FLG2: variants seen among roughly 807,000 people sequenced by gnomAD.
The protein encoded by FLG2 is filaggrin 2, also known as filaggrin-2.
A neutral mutation model predicts 3.9 loss-of-function variants in FLG2; 7 were observed. That is an observed-to-expected ratio of 1.79 (90% confidence interval 1.02 to 3.36). The LOEUF (loss-of-function observed/expected upper bound fraction) is 3.36, where lower values mean the gene tolerates loss of function less well. Ranked by LOEUF, FLG2 falls within the 30% of genes most tolerant of loss-of-function variation. The probability of loss-of-function intolerance (pLI) is 0.00; values close to 1 mark genes in which losing one functional copy is unlikely to be tolerated. For missense variants in FLG2, 2,700 were observed against 2,809.4 expected (o/e 0.96, Z 0.88); for synonymous variants, 1,031 against 1,056.1 (o/e 0.98, Z 0.46).
rs143786396 is a variant in FLG2, at chr1:152,356,228, G to C, written c.1558C>G (p.Gln520Glu). 1 of 1,613,958 alleles carries C rather than the reference G, an allele frequency of 6.2e-7. No homozygotes were observed. Among genetic ancestry groups the C allele is most frequent in the Non-Finnish European group, 8.5e-7 (1 of 1,180,010 alleles). ...GATTGTCCTGAGACAGACCCATGCT[G>C]TCCAAAACCAGAGGATTGTCCTGAG... is the stretch of plus-strand genomic sequence containing the variant. ...SVSGQSSGFG[Q>E]HGSVSGQSSG... The change falls in exon 3 of 3, where the codon CAG (glutamine) becomes GAG (glutamate). Residue 520 changes from glutamine (Q) to glutamate (E), a missense_variant. Coordinates refer to ENST00000388718, the MANE Select transcript of FLG2 (RefSeq NM_001014342.3).
At position 152,354,850 on chromosome 1, in the gene FLG2, G is replaced by A; in HGVS notation, c.2936C>T (p.Ser979Leu). 2 of 1,613,628 alleles carry A rather than the reference G, an allele frequency of 1.2e-6. No individual in the cohort carries two copies. Among genetic ancestry groups the A allele is most frequent in the Non-Finnish European group, 1.7e-6 (2 of 1,179,960 alleles). The stretch of plus-strand genomic sequence containing the variant: ...AAAGCCAGAGGATTTTCCTGAGCCT[G>A]ACTCATGTTGTCCAAAGCCAGAGGA... The part of the protein sequence containing the change: ...GQSSGFGQHE[S>L]GSGKSSGFGQ... The change falls in exon 3 of 3, where the codon TCA becomes TTA. Residue 979 changes from serine to leucine, a missense_variant. Coordinates refer to ENST00000388718, the MANE Select transcript of FLG2 (RefSeq NM_001014342.3).
At position 152,354,068 on chromosome 1, in the gene FLG2, G is replaced by T. The variant is rs1459797201; in HGVS notation, c.3718C>A (p.His1240Asn). 6.2e-7 allele frequency: 1 copy of T among 1,614,194 alleles called. No individual in the cohort carries two copies. The highest frequency in any genetic ancestry group is 8.5e-7 in the Non-Finnish European group (1 of 1,180,022). ...CTAGTGGTATTTATTGTCTGACCAT[G>T]AGTAGTTTCCTGTCTCCCATGAACT... Reference protein sequence around the residue: ...STVHGRQETTHGQTINTTRHS... With the variant: ...STVHGRQETTNGQTINTTRHS... The change falls in exon 3 of 3, where the codon CAT (histidine) becomes AAT (asparagine). Residue 1240 changes from histidine to asparagine, a missense_variant. Coordinates refer to ENST00000388718, the MANE Select transcript of FLG2 (RefSeq NM_001014342.3).
chr1:152,351,043 G>T lies in FLG2; in HGVS notation c.6743C>A (p.Thr2248Asn), dbSNP rs758344079. ...GQSTQRGSRT[T>N]GRRGSGHSES... is the part of the protein sequence containing the mutation. ...ACTGTGGCCAGATCCCCTTCTTCCAGTTGTCCTGGACCCTCTCTGTGTGGA... is the reference window on the plus strand; with the variant it reads ...ACTGTGGCCAGATCCCCTTCTTCCATTTGTCCTGGACCCTCTCTGTGTGGA... Residue 2248 changes from threonine to asparagine, a missense_variant, in exon 3 of 3, where the codon ACT becomes AAT. Thr to Asn is a moderately conservative substitution (Grantham distance 65, BLOSUM62 0). Coordinates refer to ENST00000388718, the MANE Select transcript of FLG2 (RefSeq NM_001014342.3). 1.2e-6 allele frequency: 2 copies of T among 1,607,998 alleles called. No individual in the cohort carries two copies. The highest frequency in any genetic ancestry group is 1.7e-6 in the Non-Finnish European group (2 of 1,178,288).
Position 152,351,992 on chromosome 1 carries a change from G to T in FLG2, c.5794C>A (p.His1932Asn). Residue 1932 changes from histidine to asparagine, a missense_variant, in exon 3 of 3, where the codon CAT becomes AAT. Physicochemically the swap from His to Asn is moderately conservative, Grantham distance 68. Transcript: ENST00000388718. ...THGQTGDTTE[H>N]GHPSHGQTIQ... is the part of the protein sequence containing the mutation. ...GTTTGTCCATGACTAGGGTGGCCAT[G>T]TTCAGTGGTATCTCCTGTCTGTCCA... 1 of 1,613,788 alleles carries T rather than the reference G, an allele frequency of 6.2e-7. No individual in the cohort carries two copies. Among genetic ancestry groups the T allele is most frequent in the Admixed American group, 1.7e-5 (1 of 59,990 alleles).
In FLG2 at chr1:152,353,983, C is replaced by T. The variant is rs755946938; in HGVS notation, c.3803G>A (p.Arg1268Gln). ...TQTGSRVTRR[R>Q]RSSQSENSDS... ...ACTGTTCTCACTTTGGCTAGATCTT[C>T]GTCTTCTAGTTACCCTGGACCCTGT... is the stretch of plus-strand genomic sequence containing the variant. Residue 1268 changes from arginine (R) to glutamine (Q), a missense_variant, in exon 3 of 3, where the codon CGA becomes CAA. By Grantham distance (43) the Arg-to-Gln change is conservative (BLOSUM62 1). Transcript: ENST00000388718. The T allele has an allele frequency of 2.6e-5, 42 of 1,614,036 alleles. No individual in the cohort carries two copies. In the East Asian group the frequency reaches 4.7e-4, roughly 18 times the overall value.
At position 152,355,808 on chromosome 1, in the gene FLG2, A is replaced by G. The variant is rs776612074; in HGVS notation, c.1978T>C (p.Ser660Pro). The change falls in exon 3 of 3, where the codon TCA (serine) becomes CCA (proline). Residue 660 changes from serine (S) to proline (P), a missense_variant. Transcript: ENST00000388718. ...SQSTGFGQYG[S>P]GSGQSSGFGQ... is the part of the protein sequence containing the mutation. ...AAGCCAGAGGACTGACCTGAGCCTG[A>G]TCCATATTGGCCAAAGCCAGTGGAT... 2.5e-6 allele frequency: 4 copies of G among 1,613,014 alleles called. No individual in the cohort carries two copies. In the East Asian group the frequency reaches 6.7e-5, roughly 27 times the overall value.
At position 152,351,718 on chromosome 1, in the gene FLG2, G is replaced by A. The variant is rs1653933208; in HGVS notation, c.6068C>T (p.Thr2023Ile). Residue 2023 changes from threonine to isoleucine, a missense_variant, in exon 3 of 3, where the codon ACT becomes ATT. Coordinates refer to ENST00000388718, the MANE Select transcript of FLG2 (RefSeq NM_001014342.3). ...GQSTQRGSRT[T>I]GRRASGHSEY... The stretch of plus-strand genomic sequence containing the variant: ...ACTGTGGCCAGATGCCCTTCTTCCA[G>A]TTGTCCTGGACCCTCTCTGTGTGGA... 6.2e-7 allele frequency: 1 copy of A among 1,610,502 alleles called. No individual in the cohort carries two copies. Among genetic ancestry groups the A allele is most frequent in the Non-Finnish European group, 8.5e-7 (1 of 1,179,330 alleles).
chr1:152,351,873 A>ATG lies in FLG2; in HGVS notation c.5911_5912dup (p.Ser1972IlefsTer431). 3 of 1,611,558 alleles carry ATG rather than the reference A, an allele frequency of 1.9e-6. No homozygotes were observed. The highest frequency in any genetic ancestry group is 2.5e-6 in the Non-Finnish European group (3 of 1,179,372). ...CAGCTTGACCGTGAGTGTGTCCTGA[A>ATG]TGTGTGTGTGAGACCCCTGAGGGCC... On this transcript the variant is annotated frameshift_variant, in exon 3 of 3. Coordinates refer to ENST00000388718, the MANE Select transcript of FLG2 (RefSeq NM_001014342.3). LOFTEE classifies it low-confidence loss of function (END_TRUNC).
Position 152,351,908 on chromosome 1 carries a change from C to T in FLG2, c.5878G>A (p.Asp1960Asn), listed in dbSNP as rs774306057. 2 of 1,613,906 alleles carry T rather than the reference C, an allele frequency of 1.2e-6. No individual in the cohort carries two copies. The highest frequency in any genetic ancestry group is 1.1e-5 in the South Asian group (1 of 91,064). ...RRGSGHSEYSDSEGPSGVSHT... is the reference protein window; with the variant it reads ...RRGSGHSEYSNSEGPSGVSHT... ...GAGACCCCTGAGGGCCCTTCACTGT[C>T]ACTGTACTCACTGTGGCCAGATCCC... is the stretch of plus-strand genomic sequence containing the variant. Residue 1960 changes from aspartate (D) to asparagine (N), a missense_variant, in exon 3 of 3, where the codon GAC (aspartate) becomes AAC (asparagine). Transcript: ENST00000388718.
chr1:152,359,459 T>G (rs1654370347), intron 1 of FLG2, among the ~76,000 whole-genome samples: 1 of 152,188 alleles, frequency 6.6e-6, no homozygotes, highest in Non-Finnish European at 1.5e-5. Flanking sequence ...ACAGTAGAAC[T>G]CAGTAGAGCT....
rs1243103905 is a variant in FLG2 at position 152,355,782 on chromosome 1, A to T, written c.2004T>A (p.Phe668Leu). The T allele has an allele frequency of 1.2e-6, 2 of 1,613,376 alleles. No homozygotes were observed. The highest frequency in any genetic ancestry group is 3.3e-5 in the Admixed American group (2 of 59,940). The change falls in exon 3 of 3, where the codon TTT (phenylalanine) becomes TTA (leucine). Residue 668 changes from phenylalanine to leucine, a missense_variant. Transcript: ENST00000388718. ...YGSGSGQSSG[F>L]GQHVSGSGQS... ...GTCCTGAGCCAGAAACATGTTGTCC[A>T]AAGCCAGAGGACTGACCTGAGCCTG...
Position 152,356,903 on chromosome 1 carries a change from A to G in FLG2, c.883T>C (p.Ser295Pro), listed in dbSNP as rs1654257483. 6.2e-7 allele frequency: 1 copy of G among 1,614,044 alleles called. No individual in the cohort carries two copies. The change falls in exon 3 of 3, where the codon TCA becomes CCA. Residue 295 changes from serine (S) to proline (P), a missense_variant. Physicochemically the swap from Ser to Pro is moderately conservative, Grantham distance 74 (BLOSUM62 -1). Transcript: ENST00000388718. ...SSGCGRPQNASSSCQSHRFGG... is the reference protein window; with the variant it reads ...SSGCGRPQNAPSSCQSHRFGG... ...AATCTATGTGACTGACAAGAACTTG[A>G]AGCATTTTGTGGCCTTCCACACCCA...
rs12732453 is a variant in FLG2, at chr1:152,351,102, A to G, written c.6684T>C (p.Asp2228=). The G allele has an allele frequency of 6.2e-7, 1 of 1,613,766 alleles. No homozygotes were observed. The highest frequency in any genetic ancestry group is 1.1e-5 in the South Asian group (1 of 91,066). ...RQGTTHGQTG[D]TTRHAHYGYG... ...AACCATAGTGGGCATGTCTAGTGGT[A>G]TCTCCTGTCTGTCCATGAGTAGTTC... The change falls in exon 3 of 3, where the codon GAT becomes GAC. Residue 2228 remains aspartate (D), a synonymous_variant. Coordinates refer to ENST00000388718, the MANE Select transcript of FLG2 (RefSeq NM_001014342.3).
In FLG2 at chr1:152,356,401, T is replaced by C. The variant is rs1027725122; in HGVS notation, c.1385A>G (p.Gln462Arg). 1.2e-6 allele frequency: 2 copies of C among 1,614,064 alleles called. No homozygotes were observed. The highest frequency in any genetic ancestry group is 2.7e-5 in the African/African-American group (2 of 74,920). The change falls in exon 3 of 3, where the codon CAA becomes CGA. Residue 462 changes from glutamine (Q) to arginine (R), a missense_variant. Physicochemically the swap from Gln to Arg is conservative, Grantham distance 43 (BLOSUM62 1). Coordinates refer to ENST00000388718, the MANE Select transcript of FLG2 (RefSeq NM_001014342.3). The stretch of plus-strand genomic sequence containing the variant: ...CCCATGCTGGTCATAGCCCAAGGAT[T>C]GACTTGATGTAGACTCATGCTGGCC... ...TCGQHESTSSQSLGYDQHGSS... is the reference protein window; with the variant it reads ...TCGQHESTSSRSLGYDQHGSS...
At position 152,356,969 on chromosome 1, in the gene FLG2, T is replaced by A. The variant is rs1326392240; in HGVS notation, c.817A>T (p.Ser273Cys). Residue 273 changes from serine (S) to cysteine (C), a missense_variant, in exon 3 of 3, where the codon AGT (serine) becomes TGT (cysteine). Transcript: ENST00000388718. ...CCACATGCATGACTTCGCCTCCCAC[T>A]GTCTCCTGAACCTGAACAGCTAGAC... ...LGSSCSGSGD[S>C]GRRSHACGYS... 1 of 1,614,242 alleles carries A rather than the reference T, an allele frequency of 6.2e-7. No individual in the cohort carries two copies. Among genetic ancestry groups the A allele is most frequent in the Non-Finnish European group, 8.5e-7 (1 of 1,180,032 alleles).
In FLG2 at chr1:152,356,949, T is replaced by A; in HGVS notation, c.837A>T (p.Ala279=). 1.9e-6 allele frequency: 3 copies of A among 1,614,222 alleles called. No individual in the cohort carries two copies. Among genetic ancestry groups the A allele is most frequent in the Non-Finnish European group, 2.5e-6 (3 of 1,180,040 alleles). The change falls in exon 3 of 3, where the codon GCA becomes GCT. Residue 279 remains alanine (A), a synonymous_variant. Coordinates refer to ENST00000388718, the MANE Select transcript of FLG2 (RefSeq NM_001014342.3). The stretch of plus-strand genomic sequence containing the variant: ...ACCCACTTGAATTGCTATAACCACA[T>A]GCATGACTTCGCCTCCCACTGTCTC... ...GSGDSGRRSH[A]CGYSNSSGCG...
rs766261159 is a variant in FLG2, at chr1:152,355,251, A to G, written c.2535T>C (p.Tyr845=). 3.1e-6 allele frequency: 5 copies of G among 1,612,858 alleles called. No individual in the cohort carries two copies. The South Asian group carries it at 5.5e-5, about 18-fold the overall frequency. Residue 845 remains tyrosine (Y), a synonymous_variant, in exon 3 of 3, where the codon TAT becomes TAC. Transcript: ENST00000388718. The stretch of plus-strand genomic sequence containing the variant: ...GACTTGAGCCAGAACCATGTTGGCC[A>G]TAGCTGGACTGATGTGATCTAGACT... ...QHESRSHQSS[Y]GQHGSGSSQS...
chr1:152,357,226 C>A lies in FLG2; in HGVS notation c.560G>T (p.Gly187Val). 1 of 1,614,190 alleles carries A rather than the reference C, an allele frequency of 6.2e-7. No homozygotes were observed. The highest frequency in any genetic ancestry group is 8.5e-7 in the Non-Finnish European group (1 of 1,180,050). The change falls in exon 3 of 3, where the codon GGT becomes GTT. Residue 187 changes from glycine to valine, a missense_variant. Gly to Val is a moderately radical substitution (Grantham distance 109, BLOSUM62 -3). Coordinates refer to ENST00000388718, the MANE Select transcript of FLG2 (RefSeq NM_001014342.3). ...SQKRYHRSSCGHSWSGGKDRH... is the reference protein window; with the variant it reads ...SQKRYHRSSCVHSWSGGKDRH... Reference sequence around the variant, plus strand: ...GTCTTTGCCACCACTCCATGAATGACCACAGCTGGACCTGTGGTATCTTTT... The same window carrying A: ...GTCTTTGCCACCACTCCATGAATGAACACAGCTGGACCTGTGGTATCTTTT...
intron 2 of FLG2, 103 bp downstream of exon 2, chr1:152,358,644 G>T: frequency 8.9e-7 from 1 of 1,123,720 alleles, no homozygotes; most frequent in Non-Finnish European, 1.3e-6. Context: ...CATAGAGTTT[G>T]CTTAGAGTTC....
Sources: gnomAD v4.1 joint callset for allele counts (sites outside exome capture counted in the v4.1 genomes callset) on GRCh38, gnomAD v4.1.1 for gene constraint, MANE v1.5 for transcripts, NCBI Gene and HGNC (gene_info 2026-07-23, HGNC 2026-07-21) for gene names.